IL1RAPL2: variants seen among roughly 807,000 people sequenced by gnomAD.
IL1RAPL2 encodes interleukin 1 receptor accessory protein like 2, also known as X-linked interleukin-1 receptor accessory protein-like 2.
IL1RAPL2 carries 3 observed loss-of-function variants against 44.1 expected under a neutral mutation model. That is an observed-to-expected ratio of 0.07 (90% CI 0.03 to 0.18). IL1RAPL2 has a LOEUF of 0.18. Ranked by LOEUF, IL1RAPL2 falls within the 10% of genes least tolerant of loss-of-function variation. The pLI, the probability that IL1RAPL2 is intolerant of heterozygous loss-of-function variation, is 1.00. For synonymous variants in IL1RAPL2, 181 were observed against 178.8 expected, an observed-to-expected ratio of 1.01 and a Z score of -0.10; for missense variants, 391 against 496.4, an observed-to-expected ratio of 0.79 and a Z score of 2.02.
rs548832168 is a variant in IL1RAPL2 at position 105,409,257 on chromosome X, T to C, written c.698-75056T>C. Reference sequence around the variant, plus strand: ...TCCAAACCAGTCAAAATAACTTCTATATATTGAAGTTTTTGAAAGCACATG... The same window carrying C: ...TCCAAACCAGTCAAAATAACTTCTACATATTGAAGTTTTTGAAAGCACATG... On this transcript the variant is annotated intron_variant, in intron 5 of 10. Coordinates refer to ENST00000372582, the MANE Select transcript of IL1RAPL2 (RefSeq NM_017416.2). 4.3e-4 allele frequency among the ~76,000 whole-genome samples: 48 copies of C among 110,578 alleles called. No homozygotes were observed. The South Asian group carries it at 0.017, about 40-fold the overall frequency.
Position 104,595,091 on chromosome X carries a change from G to T in IL1RAPL2, c.-20+28040G>T, listed in dbSNP as rs1028174424. On this transcript the variant is annotated intron_variant, in intron 1 of 10. Transcript: ENST00000372582. The stretch of plus-strand genomic sequence containing the variant: ...CATTCTGAAGACTGTGTAGAGAATG[G>T]ACTGTGTGTGAGGATGCAGGGACAG... 1.3e-4 allele frequency among the ~76,000 whole-genome samples: 15 copies of T among 111,897 alleles called. No individual in the cohort carries two copies. The Admixed American group carries it at 1.4e-3, about 11-fold the overall frequency.
intron 1 of IL1RAPL2, among the ~76,000 whole-genome samples, chrX:104,606,418 GA>G (rs1929013258): frequency 9.0e-6 from 1 of 111,703 alleles, no homozygotes; most frequent in Non-Finnish European, 1.9e-5. Flanking sequence ...ACAAGACAAG[GA>G]TGCCCTCTCT....
At chrX:104,997,446 A>G (rs2030768982) in intron 2 of IL1RAPL2, among the ~76,000 whole-genome samples, 1 of 111,763 alleles carries the variant, frequency 8.9e-6, no homozygotes, top group Admixed American at 9.5e-5. Context: ...TTTCTGTTGG[A>G]CAACACTGCC....
intron 2 of IL1RAPL2, among the ~76,000 whole-genome samples, chrX:104,676,455 C>T (rs1269575634): frequency 4.5e-5 from 5 of 112,121 alleles, no homozygotes; most frequent in Non-Finnish European, 9.4e-5. Context: ...TATAGAGTTT[C>T]TGCTGAGAGA....
intron 3 of IL1RAPL2, among the ~76,000 whole-genome samples, chrX:105,213,556 A>G (rs1226934494): frequency 9.0e-6 from 1 of 111,359 alleles, no homozygotes; most frequent in African/African-American, 3.3e-5. Flanking sequence ...AACACACTTC[A>G]GGACATTATC....
In IL1RAPL2 at chrX:105,598,897, G is replaced by A. The variant is rs773609789; in HGVS notation, c.772+114510G>A. On this transcript the variant is annotated intron_variant, in intron 6 of 10. Coordinates refer to ENST00000372582, the MANE Select transcript of IL1RAPL2 (RefSeq NM_017416.2). ...CACATTTCCAAATTCCCCTGTGGGGGATCTACTGCTCTTTGTTAAGAACCA... is the reference window on the plus strand; with the variant it reads ...CACATTTCCAAATTCCCCTGTGGGGAATCTACTGCTCTTTGTTAAGAACCA... Among the ~76,000 whole-genome samples, 3 of 112,483 alleles carry A rather than the reference G, an allele frequency of 2.7e-5. No homozygotes were observed. The South Asian group carries it at 1.1e-3, about 42-fold the overall frequency.
intron 6 of IL1RAPL2, among the ~76,000 whole-genome samples, chrX:105,568,942 C>G (rs1344332146): frequency 8.9e-6 from 1 of 111,759 alleles, no homozygotes; most frequent in Non-Finnish European, 1.9e-5. Context: ...GGAGTACCAT[C>G]ACTCACACCA....
At chrX:105,487,231 A>G (rs774734632) in intron 6 of IL1RAPL2, among the ~76,000 whole-genome samples, 25 of 111,565 alleles carry the variant, frequency 2.2e-4, no homozygotes, top group Non-Finnish European at 4.1e-4. Context: ...TTTGAAAAGT[A>G]TTGATCCAAA....
chrX:105,362,451 A>G (rs1032324278), intron 5 of IL1RAPL2, among the ~76,000 whole-genome samples: 1 of 111,427 alleles, frequency 9.0e-6, no homozygotes, highest in East Asian at 2.8e-4. Flanking sequence ...ACTATTATAT[A>G]CTACCTAGAA....
intron 2 of IL1RAPL2, among the ~76,000 whole-genome samples, chrX:105,008,047 G>A (rs1263755550): frequency 5.2e-3 from 6 of 1,147 alleles, no homozygotes; most frequent in Non-Finnish European, 7.8e-3. Context: ...TGCTACAACC[G>A]TATACTACAG....
chrX:104,667,376 T>A (rs946192067), intron 2 of IL1RAPL2, among the ~76,000 whole-genome samples: 1 of 111,533 alleles, frequency 9.0e-6, no homozygotes, highest in African/African-American at 3.3e-5. Context: ...TGACCAGACA[T>A]GCTTTTAGCC....
chrX:105,579,109 A>T (rs1477300234), intron 6 of IL1RAPL2, among the ~76,000 whole-genome samples: 2 of 111,418 alleles, frequency 1.8e-5, no homozygotes, highest in Non-Finnish European at 3.8e-5. Context: ...TTTACACTTG[A>T]CCTTTGGGAA....
At position 105,717,401 on chromosome X, in the gene IL1RAPL2, C is replaced by T. The variant is rs761434085; in HGVS notation, c.807C>T (p.Phe269=). 54 of 1,199,831 alleles carry T rather than the reference C, an allele frequency of 4.5e-5. No individual in the cohort carries two copies. In the South Asian group the frequency reaches 6.5e-4, roughly 14 times the overall value. ...KPLNIPCKAF[F]GFSGESGPMI... ...TGAACATCCCCTGCAAAGCATTCTT[C>T]GGATTCAGTGGAGAGTCTGGGCCAA... The change falls in exon 7 of 11, where the codon TTC becomes TTT. Residue 269 remains phenylalanine (F), a synonymous_variant. Coordinates refer to ENST00000372582, the MANE Select transcript of IL1RAPL2 (RefSeq NM_017416.2).
At chrX:105,366,312 A>C (rs1338796050) in intron 5 of IL1RAPL2, among the ~76,000 whole-genome samples, 1 of 110,806 alleles carries the variant, frequency 9.0e-6, no homozygotes, top group Non-Finnish European at 1.9e-5. Context: ...TCTTTTCAAA[A>C]ACACAACTTT....
intron 10 of IL1RAPL2, among the ~76,000 whole-genome samples, chrX:105,758,327 T>G (rs1331328596): frequency 8.9e-6 from 1 of 111,948 alleles, no homozygotes; most frequent in Non-Finnish European, 1.9e-5. Context: ...TCAGTCTTTT[T>G]GTACTACTCT....
At chrX:105,190,356 A>G (rs953856260) in intron 2 of IL1RAPL2, among the ~76,000 whole-genome samples, 3 of 112,431 alleles carry the variant, frequency 2.7e-5, no homozygotes, top group Non-Finnish European at 5.6e-5. Flanking sequence ...AGCAACCAGC[A>G]GTTGGTCAAT....
intron 1 of IL1RAPL2, among the ~76,000 whole-genome samples, chrX:104,644,190 A>G (rs772774517): frequency 8.9e-6 from 1 of 112,064 alleles, no homozygotes; most frequent in South Asian, 3.7e-4. Flanking sequence ...GAAAAAATGC[A>G]AATAAAGAAT....
rs1245290655 is a variant in IL1RAPL2, at chrX:104,828,681, C to CAG, written c.82+169689_82+169690dup. On this transcript the variant is annotated intron_variant, in intron 2 of 10. Transcript: ENST00000372582. ...GTGCTGGGAGATCTGCTGTTCTCTT[C>CAG]AGAGCCAGCAGGCAGGAATGTTTAA... Among the ~76,000 whole-genome samples, 10 of 112,614 alleles carry CAG rather than the reference C, an allele frequency of 8.9e-5. No homozygotes were observed. The East Asian group carries it at 2.0e-3, about 22-fold the overall frequency.
At chrX:104,660,576 T>C (rs1229813558) in intron 2 of IL1RAPL2, among the ~76,000 whole-genome samples, 25 of 76,080 alleles carry the variant, frequency 3.3e-4, no homozygotes, top group African/African-American at 1.1e-3. Flanking sequence ...ATATATAAAA[T>C]ATATAAATAT....
Sources: allele counts gnomAD v4.1 joint callset (sites outside exome capture counted in the v4.1 genomes callset), GRCh38; gene constraint gnomAD v4.1.1; transcripts MANE v1.5; gene names NCBI Gene and HGNC (gene_info 2026-07-23, HGNC 2026-07-21).